Variants in ASTN2 observed in about 807,000 individuals in gnomAD.
ASTN2 encodes the protein astrotactin 2.
In ASTN2, 54 loss-of-function variants were observed where a neutral mutation model predicts 139.8. That is an observed-to-expected ratio of 0.39 (90% CI 0.31 to 0.48). ASTN2 has a LOEUF of 0.48. Ranked by LOEUF, ASTN2 falls within the 20% of genes least tolerant of loss-of-function variation. The pLI is 0.95. For missense variants in ASTN2, 1,565 were observed against 1,725.1 expected (o/e 0.91, Z 1.64); for synonymous variants, 756 against 719.5 (o/e 1.05, Z -0.81).
intron 5 of ASTN2, among the ~76,000 whole-genome samples, chr9:117,086,560 G>A (rs1038480542): frequency 6.6e-6 from 1 of 152,094 alleles, no homozygotes; most frequent in Non-Finnish European, 1.5e-5. Context: ...GGCAACAAGA[G>A]CAAAACTCCA....
chr9:116,701,886 T>C (rs1827825656), intron 16 of ASTN2, among the ~76,000 whole-genome samples: 1 of 151,650 alleles, frequency 6.6e-6, no homozygotes, highest in African/African-American at 2.4e-5. Context: ...TTGGGTTTTT[T>C]TTTTTTTTTT....
chr9:116,907,825 A>T (rs1333657066), intron 10 of ASTN2, among the ~76,000 whole-genome samples: 1 of 152,162 alleles, frequency 6.6e-6, no homozygotes, highest in Non-Finnish European at 1.5e-5. Flanking sequence ...ATGCTGCAGG[A>T]CGTGGGTCCG....
chr9:117,124,058 T>C (rs1335625313), intron 4 of ASTN2, among the ~76,000 whole-genome samples: 1 of 152,186 alleles, frequency 6.6e-6, no homozygotes, highest in East Asian at 1.9e-4. Context: ...CATTTTCATC[T>C]CTGTGGTGCA....
At chr9:116,801,364 C>G (rs1343557141) in intron 13 of ASTN2, among the ~76,000 whole-genome samples, 1 of 151,580 alleles carries the variant, frequency 6.6e-6, no homozygotes, top group African/African-American at 2.4e-5. Context: ...GGGTGGATCG[C>G]GAGGTCAGGA....
intron 2 of ASTN2, among the ~76,000 whole-genome samples, chr9:117,273,255 C>A (rs184360557): frequency 7.9e-5 from 12 of 152,174 alleles, no homozygotes; most frequent in Admixed American, 2.6e-4. Context: ...GAAAGATCAA[C>A]CCCCATGATT....
At chr9:117,173,408 A>C (rs899738052) in intron 3 of ASTN2, among the ~76,000 whole-genome samples, 9 of 152,268 alleles carry the variant, frequency 5.9e-5, no homozygotes, top group Middle Eastern at 6.8e-3. Flanking sequence ...ATGGTTACAC[A>C]TGAAATGTTT....
intron 1 of ASTN2, among the ~76,000 whole-genome samples, chr9:117,353,564 T>C (rs1829450725): frequency 6.6e-6 from 1 of 152,208 alleles, no homozygotes; most frequent in South Asian, 2.1e-4. Context: ...TGATGACACC[T>C]TGGTGCTAAA....
intron 10 of ASTN2, among the ~76,000 whole-genome samples, chr9:116,971,988 T>A (rs560821993): frequency 6.6e-6 from 1 of 152,306 alleles, no homozygotes; most frequent in Admixed American, 6.5e-5. Context: ...AACTTTATGT[T>A]TAATCAAAAT....
At chr9:116,637,304 T>C (rs780470662) in intron 17 of ASTN2, among the ~76,000 whole-genome samples, 2 of 152,186 alleles carry the variant, frequency 1.3e-5, no homozygotes, top group Non-Finnish European at 2.9e-5. Context: ...TCACTTAGAA[T>C]TGGAGAGAGG....
At chr9:116,673,259 T>C (rs1187426222) in intron 16 of ASTN2, among the ~76,000 whole-genome samples, 1 of 152,192 alleles carries the variant, frequency 6.6e-6, no homozygotes, top group Non-Finnish European at 1.5e-5. Flanking sequence ...GTTTGTGGGT[T>C]TTGTCCAATT....
At chr9:117,064,515 A>G (rs1827872897) in intron 5 of ASTN2, among the ~76,000 whole-genome samples, 1 of 152,204 alleles carries the variant, frequency 6.6e-6, no homozygotes, top group Non-Finnish European at 1.5e-5. Context: ...CGTAAATGGA[A>G]CTGGAGGCCA....
intron 10 of ASTN2, among the ~76,000 whole-genome samples, chr9:116,916,177 A>T (rs931205102): frequency 1.3e-5 from 2 of 152,138 alleles, no homozygotes; most frequent in Admixed American, 1.3e-4. Flanking sequence ...TTATTTCCAC[A>T]TGTTGGGGTT....
At chr9:117,227,661 G>T (rs1015000331) in intron 2 of ASTN2, among the ~76,000 whole-genome samples, 3 of 152,332 alleles carry the variant, frequency 2.0e-5, no homozygotes, top group African/African-American at 7.2e-5. Context: ...ATTGCTGTTA[G>T]TTCCCTTTTG....
At chr9:116,615,721 G>T in intron 19 of ASTN2, among the ~76,000 whole-genome samples, 1 of 139,806 alleles carries the variant, frequency 7.2e-6, no homozygotes, top group East Asian at 2.2e-4. Context: ...ACCAGGGCCT[G>T]TCATGGGGTG....
chr9:116,653,256 T>C (rs2131933705), intron 16 of ASTN2, among the ~76,000 whole-genome samples: 1 of 152,046 alleles, frequency 6.6e-6, no homozygotes. Context: ...TTCTGAGGAA[T>C]CCTAGGGATC....
chr9:116,979,828 A>T (rs1171259324), intron 7 of ASTN2, among the ~76,000 whole-genome samples: 2 of 152,152 alleles, frequency 1.3e-5, no homozygotes, highest in African/African-American at 4.8e-5. Flanking sequence ...GTGACTCTGC[A>T]GGAAATACCA....
intron 19 of ASTN2, among the ~76,000 whole-genome samples, chr9:116,521,036 C>A (rs1353115214): frequency 1.3e-5 from 2 of 151,968 alleles, no homozygotes; most frequent in East Asian, 3.8e-4. Flanking sequence ...TATCCCATGC[C>A]TATGAATGAA....
intron 1 of ASTN2, among the ~76,000 whole-genome samples, chr9:117,309,269 G>A (rs1572306): frequency 0.17 from 25,964 of 152,124 alleles, 2,736 homozygotes; most frequent in South Asian, 0.24. Flanking sequence ...TCTGCCACTG[G>A]CTGCATCTAC....
At chr9:116,721,113 A>G (rs907961218) in intron 16 of ASTN2, among the ~76,000 whole-genome samples, 2 of 152,198 alleles carry the variant, frequency 1.3e-5, no homozygotes, top group African/African-American at 2.4e-5. Context: ...TAGGCCCTCA[A>G]CTCAGAGCTG....
Sources: allele counts gnomAD v4.1 joint callset (sites outside exome capture counted in the v4.1 genomes callset), GRCh38; gene constraint gnomAD v4.1.1; transcripts MANE v1.5; gene names NCBI Gene and HGNC (gene_info 2026-07-23, HGNC 2026-07-21).